The following UNC13C variants were observed in gnomAD, a reference collection of about 807,000 sequenced individuals.
UNC13C encodes the protein unc-13 homolog C.
In UNC13C, 174 loss-of-function variants were observed where a neutral mutation model predicts 245.4. The ratio of observed to expected loss-of-function variants is 0.71; its 90% CI spans 0.63 to 0.80. UNC13C has a LOEUF of 0.80. UNC13C is among the 30% of genes least tolerant of loss of function. UNC13C has a pLI of 0.00. For missense variants in UNC13C, 2,829 were observed against 2,602.9 expected (o/e 1.09, Z -1.89); for synonymous variants, 992 against 895.1 (o/e 1.11, Z -1.93).
chr15:54,166,754 A>G (rs1020518239), intron 4 of UNC13C, among the ~76,000 whole-genome samples: 3 of 152,200 alleles, frequency 2.0e-5, no homozygotes, highest in African/African-American at 7.2e-5. Context: ...ATCACAACAC[A>G]TAACATATGT....
chr15:54,598,358 G>A (rs1007877367), intron 30 of UNC13C, among the ~76,000 whole-genome samples: 7 of 152,202 alleles, frequency 4.6e-5, no homozygotes, highest in Non-Finnish European at 1.0e-4. Context: ...GCCTCCCAAA[G>A]TGCTGGGATT....
chr15:54,473,832 A>T (rs1892585795), intron 19 of UNC13C, among the ~76,000 whole-genome samples: 1 of 151,846 alleles, frequency 6.6e-6, no homozygotes, highest in South Asian at 2.1e-4. Flanking sequence ...ATATCACACG[A>T]ATAATATACA....
intron 11 of UNC13C, among the ~76,000 whole-genome samples, chr15:54,294,362 C>A (rs1283476458): frequency 6.6e-6 from 1 of 152,084 alleles, no homozygotes; most frequent in East Asian, 1.9e-4. Flanking sequence ...GCTTCACAAA[C>A]CCTTGCCAAA....
intron 2 of UNC13C, among the ~76,000 whole-genome samples, chr15:54,126,088 A>G (rs1256137369): frequency 1.3e-5 from 2 of 152,234 alleles, no homozygotes; most frequent in East Asian, 3.8e-4. Context: ...AATCAGGGAG[A>G]ACAAACAGAT....
chr15:54,340,147 C>G (rs765502782), intron 17 of UNC13C, among the ~76,000 whole-genome samples: 15 of 151,944 alleles, frequency 9.9e-5, no homozygotes, highest in Non-Finnish European at 1.6e-4. Context: ...TTTTTTCTTA[C>G]TAATTTGTTT....
the UNC13C span, among the ~76,000 whole-genome samples, chr15:53,902,168 G>A: frequency 0.13 from 19,595 of 151,952 alleles, 1,714 homozygotes; most frequent in African/African-American, 0.24. Context: ...TTTGTTTCAT[G>A]AAAAATCCTT....
chr15:54,307,394 G>A (rs924083811), intron 13 of UNC13C, among the ~76,000 whole-genome samples: 2 of 151,866 alleles, frequency 1.3e-5, no homozygotes, highest in African/African-American at 2.4e-5. Context: ...CCCCACTTAT[G>A]ATCTAATCAC....
intron 19 of UNC13C, among the ~76,000 whole-genome samples, chr15:54,487,986 G>T (rs976663913): frequency 6.6e-6 from 1 of 151,120 alleles, no homozygotes; most frequent in African/African-American, 2.4e-5. Context: ...ACTTTTGGCA[G>T]CCAGGATTTT....
the UNC13C span, among the ~76,000 whole-genome samples, chr15:53,899,532 C>T: frequency 1.1e-4 from 16 of 152,186 alleles, no homozygotes; most frequent in Non-Finnish European, 1.9e-4. Context: ...TCTTCTTATG[C>T]AAACTTTTTA....
Position 54,457,382 on chromosome 15 carries a change from C to G in UNC13C, c.4934-37226C>G, listed in dbSNP as rs563273181. Among the ~76,000 whole-genome samples the G allele has an allele frequency of 3.9e-5, 6 of 152,176 alleles. No homozygotes were observed. In the East Asian group the frequency reaches 1.2e-3, roughly 29 times the overall value. ...CCCTGGTTTGGGTATTACAGTGATA[C>G]TGCCTTCATAGAATGAGTTAGGGAG... On this transcript the variant is annotated intron_variant, in intron 19 of 32. Coordinates refer to ENST00000260323, the MANE Select transcript of UNC13C (RefSeq NM_001080534.3).
Position 54,622,324 on chromosome 15 carries a change from C to A in UNC13C, c.6107-3C>A, listed in dbSNP as rs368961092. ...AGGCCAGTAAGCCTCTGCTTATTTT[C>A]AGGTCGTTCCTCCAAAGATGCCGTG... On this transcript the variant is annotated splice_polypyrimidine_tract_variant and splice_region_variant and intron_variant, in intron 30 of 32. Transcript: ENST00000260323. 2.2e-5 allele frequency: 35 copies of A among 1,611,526 alleles called. No individual in the cohort carries two copies. The highest frequency in any genetic ancestry group is 3.0e-5 in the Non-Finnish European group (35 of 1,178,050).
chr15:54,566,822 A>G (rs766898270), intron 29 of UNC13C, among the ~76,000 whole-genome samples: 3 of 152,120 alleles, frequency 2.0e-5, no homozygotes, highest in Non-Finnish European at 4.4e-5. Flanking sequence ...ATACCCATTT[A>G]GGAGAGCGTC....
At chr15:54,437,827 A>T (rs1415827620) in intron 19 of UNC13C, among the ~76,000 whole-genome samples, 1 of 151,954 alleles carries the variant, frequency 6.6e-6, no homozygotes, top group Admixed American at 6.6e-5. Flanking sequence ...CATGATTAAG[A>T]CCAAGTTTTG....
At chr15:54,274,544 A>T (rs1023256642) in intron 10 of UNC13C, among the ~76,000 whole-genome samples, 4 of 152,048 alleles carry the variant, frequency 2.6e-5, no homozygotes, top group African/African-American at 9.7e-5. Flanking sequence ...AAGAAACACA[A>T]CTCATGCCTG....
At chr15:54,465,893 G>A (rs1416153011) in intron 19 of UNC13C, among the ~76,000 whole-genome samples, 1 of 151,958 alleles carries the variant, frequency 6.6e-6, no homozygotes, top group East Asian at 1.9e-4. Context: ...CTAGAAAAGT[G>A]CTTTCAGATG....
chr15:54,589,014 T>C (rs1898632941), intron 30 of UNC13C, among the ~76,000 whole-genome samples: 1 of 152,198 alleles, frequency 6.6e-6, no homozygotes, highest in Non-Finnish European at 1.5e-5. Context: ...GTGAGATTGC[T>C]GGATCAAATG....
At chr15:54,006,381 T>A (rs1045641394) in intron 1 of UNC13C, among the ~76,000 whole-genome samples, 2 of 152,212 alleles carry the variant, frequency 1.3e-5, no homozygotes, top group South Asian at 2.1e-4. Context: ...TGTTTGTTTT[T>A]AAAAAATAGT....
intron 19 of UNC13C, among the ~76,000 whole-genome samples, chr15:54,425,367 GTA>G (rs1475621501): frequency 6.6e-6 from 1 of 151,798 alleles, no homozygotes; most frequent in East Asian, 1.9e-4. Context: ...GAGGCAACAA[GTA>G]GTAAGTGGTT....
chr15:53,892,847 A>G, the UNC13C span, among the ~76,000 whole-genome samples: 1 of 152,088 alleles, frequency 6.6e-6, no homozygotes, highest in Non-Finnish European at 1.5e-5. Context: ...GTTTGTTATT[A>G]CCCACCTTTT....
Sources: allele counts gnomAD v4.1 joint callset (sites outside exome capture counted in the v4.1 genomes callset), GRCh38; gene constraint gnomAD v4.1.1; transcripts MANE v1.5; gene names NCBI Gene and HGNC (gene_info 2026-07-23, HGNC 2026-07-21).